Variants in FAM133B observed in about 807,000 individuals in gnomAD.
The protein encoded by FAM133B is family with sequence similarity 133 member B.
Under a neutral mutation model 46.4 loss-of-function variants are expected in FAM133B, and 25 were observed. That is an observed-to-expected ratio of 0.54 (90% CI 0.39 to 0.75). The LOEUF is 0.75. Among genes scored for constraint, FAM133B ranks in the 30% least tolerant of loss-of-function variants. The pLI is 0.00. For missense variants in FAM133B, 205 were observed against 277.6 expected (o/e 0.74, Z 1.86); for synonymous variants, 75 against 86.0 (o/e 0.87, Z 0.71).
At chr7:92,566,817 A>G (rs1794364439) in intron 9 of FAM133B, among the ~76,000 whole-genome samples, 1 of 152,252 alleles carries the variant, frequency 6.6e-6, no homozygotes, top group Non-Finnish European at 1.5e-5. Context: ...CTCTATATTC[A>G]GTGTAGTTAG....
chr7:92,586,274 A>T (rs757702479), intron 1 of FAM133B, among the ~76,000 whole-genome samples: 1 of 152,164 alleles, frequency 6.6e-6, no homozygotes, highest in Admixed American at 6.5e-5. Flanking sequence ...TATAATAGCA[A>T]TATTTTTTAA....
At chr7:92,567,107 A>C (rs903043389) in intron 9 of FAM133B, among the ~76,000 whole-genome samples, 1 of 152,086 alleles carries the variant, frequency 6.6e-6, no homozygotes, top group African/African-American at 2.4e-5. Flanking sequence ...AGTCCTAGCT[A>C]CTTGGAAGGG....
intron 8 of FAM133B, among the ~76,000 whole-genome samples, chr7:92,571,871 A>G (rs1794542169): frequency 6.6e-6 from 1 of 152,182 alleles, no homozygotes; most frequent in Admixed American, 6.5e-5. Context: ...CAATCTTCAT[A>G]TATGTCTCTG....
chr7:92,571,496 A>G (rs1211432331), intron 8 of FAM133B, among the ~76,000 whole-genome samples: 1 of 152,188 alleles, frequency 6.6e-6, no homozygotes, highest in African/African-American at 2.4e-5. Flanking sequence ...AATTTGAAAT[A>G]TATGGTCAAA....
chr7:92,569,808 T>A lies in FAM133B; in HGVS notation c.609+15A>T. The stretch of plus-strand genomic sequence containing the variant: ...CATTTTAAAATAGAGAAAATGGATT[T>A]GATCATATACTTACCTCCTCAATAT... On this transcript the variant is annotated intron_variant, in intron 9 of 10. Transcript: ENST00000445716. 1.6e-6 allele frequency: 2 copies of A among 1,282,048 alleles called. No homozygotes were observed. The highest frequency in any genetic ancestry group is 2.1e-6 in the Non-Finnish European group (2 of 968,734). 79.4% of individuals were successfully genotyped at this position (1,282,048 alleles called of 1,614,324 possible).
chr7:92,562,407 A>C (rs1313670367), intron 10 of FAM133B, 39 bp from the exon 11 acceptor site: 1 of 1,513,402 alleles, frequency 6.6e-7, no homozygotes, highest in Non-Finnish European at 8.8e-7. Flanking sequence ...ACTATATAAA[A>C]ATACGCAAAT....
At chr7:92,577,901 A>C in intron 5 of FAM133B, 184 bp from the exon 6 acceptor site, 1 of 652,936 alleles carries the variant, frequency 1.5e-6, no homozygotes, top group Non-Finnish European at 2.7e-6. Context: ...ACAAGTTAAC[A>C]TATGTGGCCA....
intron 8 of FAM133B, among the ~76,000 whole-genome samples, chr7:92,573,895 T>C (rs1266500795): frequency 2.6e-5 from 4 of 152,076 alleles, no homozygotes; most frequent in Non-Finnish European, 5.9e-5. Context: ...TTTTTAAATT[T>C]AGATGCAGGG....
chr7:92,568,540 T>C (rs1389691321), intron 9 of FAM133B, among the ~76,000 whole-genome samples: 1 of 149,368 alleles, frequency 6.7e-6, no homozygotes, highest in African/African-American at 2.5e-5. Flanking sequence ...TTTTTTTTTT[T>C]TTTTTTTAGC....
chr7:92,584,964 CCAATCTTGTCTCTACTAAACAAAACA>C (rs1369015348), intron 1 of FAM133B, among the ~76,000 whole-genome samples: 8 of 151,042 alleles, frequency 5.3e-5, no homozygotes, highest in Non-Finnish European at 1.2e-4. Flanking sequence ...TCAGGAGAGA[CCAATCTTGTCTCTACTAAACAAAACA>C]AAACAAAACA....
At chr7:92,577,452 C>T in intron 6 of FAM133B, 1 of 455,464 alleles carries the variant, frequency 2.2e-6, no homozygotes, top group Non-Finnish European at 3.8e-6. Context: ...GTCAACAAAA[C>T]AAATTTTAAA....
chr7:92,567,968 T>C (rs1269391117), intron 9 of FAM133B, among the ~76,000 whole-genome samples: 1 of 152,172 alleles, frequency 6.6e-6, no homozygotes, highest in African/African-American at 2.4e-5. Context: ...TTTGCCATGC[T>C]GGCCAGGCTG....
At chr7:92,564,291 A>C (rs1794252530) in intron 10 of FAM133B, among the ~76,000 whole-genome samples, 1 of 152,110 alleles carries the variant, frequency 6.6e-6, no homozygotes, top group Non-Finnish European at 1.5e-5. Context: ...CTCAGCGAGG[A>C]TTTCATGAGC....
intron 1 of FAM133B, among the ~76,000 whole-genome samples, chr7:92,583,911 T>C (rs1794961678): frequency 6.6e-6 from 1 of 151,514 alleles, no homozygotes; most frequent in Non-Finnish European, 1.5e-5. Flanking sequence ...TAGCTGAGTG[T>C]GGTGGCGGGT....
At chr7:92,578,207 C>G (rs1227845895) in intron 4 of FAM133B, 25 bp from the exon 5 acceptor site, 6 of 1,611,654 alleles carry the variant, frequency 3.7e-6, no homozygotes, top group Non-Finnish European at 5.1e-6. Context: ...AAGTACAAGT[C>G]TAAATAAGCT....
At chr7:92,577,794 G>T in intron 5 of FAM133B, 77 bp from the exon 6 acceptor site, 2 of 1,187,166 alleles carry the variant, frequency 1.7e-6, no homozygotes. Flanking sequence ...CAAATACTTA[G>T]TGAAATCAAT....
chr7:92,567,722 C>T (rs993463956), intron 9 of FAM133B, among the ~76,000 whole-genome samples: 1 of 152,158 alleles, frequency 6.6e-6, no homozygotes, highest in African/African-American at 2.4e-5. Context: ...TTTTGAATAG[C>T]CTGCTAAACA....
At chr7:92,567,464 A>G (rs1412225713) in intron 9 of FAM133B, among the ~76,000 whole-genome samples, 4 of 152,190 alleles carry the variant, frequency 2.6e-5, no homozygotes, top group African/African-American at 7.2e-5. Flanking sequence ...TGCAATTAAC[A>G]ATAAAAGGAA....
intron 1 of FAM133B, among the ~76,000 whole-genome samples, chr7:92,586,590 TA>T (rs1165099102): frequency 6.6e-6 from 1 of 152,234 alleles, no homozygotes; most frequent in Admixed American, 6.5e-5. Context: ...CATCCATATG[TA>T]ACTAGAATTC....
Sources: allele counts gnomAD v4.1 joint callset (sites outside exome capture counted in the v4.1 genomes callset), GRCh38; gene constraint gnomAD v4.1.1; transcripts MANE v1.5; gene names NCBI Gene and HGNC (gene_info 2026-07-23, HGNC 2026-07-21).